CNGB3: variants seen among roughly 807,000 people sequenced by gnomAD.
The protein encoded by CNGB3 is cyclic nucleotide gated channel subunit beta 3, also known as cyclic nucleotide-gated channel beta-3.
In CNGB3, 86 loss-of-function variants were observed where a neutral mutation model predicts 92.8. The ratio of observed to expected loss-of-function variants is 0.93; its 90% CI spans 0.78 to 1.11. CNGB3 has a LOEUF of 1.11. Ranked by LOEUF, CNGB3 falls within the 50% of genes least tolerant of loss-of-function variation. CNGB3 has a pLI of 0.00. For missense variants in CNGB3, 1,026 were observed against 956.8 expected, an observed-to-expected ratio of 1.07 and a Z score of -0.95; for synonymous variants, 333 against 332.7, an observed-to-expected ratio of 1.00 and a Z score of -0.01.
rs569151074 is a variant in CNGB3 at position 86,666,000 on chromosome 8, C to T, written c.852+925G>A. Reference sequence around the variant, plus strand: ...GCTTGATTTCTCTACTACATGGAGGCACTTCACTTGGTTCCTACTACACAA... The same window carrying T: ...GCTTGATTTCTCTACTACATGGAGGTACTTCACTTGGTTCCTACTACACAA... On this transcript the variant is annotated intron_variant, in intron 6 of 17. Transcript: ENST00000320005. Among the ~76,000 whole-genome samples, 4 of 152,328 alleles carry T rather than the reference C, an allele frequency of 2.6e-5. No homozygotes were observed. In the South Asian group the frequency reaches 8.3e-4, roughly 32 times the overall value.
chr8:86,608,509 T>TCA (rs1241785480), intron 14 of CNGB3, among the ~76,000 whole-genome samples: 1 of 152,186 alleles, frequency 6.6e-6, no homozygotes, highest in Non-Finnish European at 1.5e-5. Context: ...CTCCTCCACC[T>TCA]CTTGTGGAGG....
chr8:86,644,456 T>C (rs1197731590), intron 9 of CNGB3, among the ~76,000 whole-genome samples, 166 bp downstream of exon 9: 1 of 151,362 alleles, frequency 6.6e-6, no homozygotes, highest in African/African-American at 2.4e-5. Flanking sequence ...TTATTTCACT[T>C]AAAATATCCA....
At chr8:86,583,411 T>C (rs1821830302) in intron 15 of CNGB3, among the ~76,000 whole-genome samples, 1 of 152,186 alleles carries the variant, frequency 6.6e-6, no homozygotes, top group South Asian at 2.1e-4. Flanking sequence ...AAAATGCATA[T>C]TGAAAACTTT....
intron 11 of CNGB3, among the ~76,000 whole-genome samples, chr8:86,632,424 T>C (rs1822981046): frequency 6.6e-6 from 1 of 152,140 alleles, no homozygotes; most frequent in South Asian, 2.1e-4. Flanking sequence ...CCAGTGATTT[T>C]ATAACAATAT....
chr8:86,662,187 G>A (rs1433389588), intron 6 of CNGB3, among the ~76,000 whole-genome samples: 1 of 152,218 alleles, frequency 6.6e-6, no homozygotes, highest in East Asian at 1.9e-4. Flanking sequence ...ACAATTCACA[G>A]AAACTTCATA....
intron 13 of CNGB3, among the ~76,000 whole-genome samples, chr8:86,621,219 T>G (rs923437474): frequency 2.6e-5 from 4 of 152,238 alleles, no homozygotes; most frequent in African/African-American, 9.6e-5. Context: ...TGTCACTTAT[T>G]CTCAATTAAG....
intron 8 of CNGB3, 30 bp downstream of exon 8, chr8:86,647,771 G>A: frequency 9.1e-7 from 1 of 1,102,708 alleles, no homozygotes; most frequent in Non-Finnish European, 1.4e-6. Context: ...CCATTATAAG[G>A]GAAAAGACAA....
intron 6 of CNGB3, chr8:86,659,086 G>A (rs556955080): frequency 2.6e-4 from 208 of 785,460 alleles, no homozygotes; most frequent in Middle Eastern, 6.9e-4. Flanking sequence ...AGGAGCAGGG[G>A]TTCAGCGATC....
chr8:86,576,311 A>G (rs1400186678), intron 17 of CNGB3, among the ~76,000 whole-genome samples, 181 bp from the exon 18 acceptor site: 2 of 151,940 alleles, frequency 1.3e-5, no homozygotes, highest in Non-Finnish European at 2.9e-5. Context: ...GGTGTGCTAG[A>G]GAATGGACTT....
At chr8:86,689,052 C>T (rs1824246811) in intron 3 of CNGB3, among the ~76,000 whole-genome samples, 1 of 151,236 alleles carries the variant, frequency 6.6e-6, no homozygotes. Context: ...ATGGGTCATT[C>T]AGGAGCATTT....
At chr8:86,715,340 G>T (rs1205113421) in intron 3 of CNGB3, among the ~76,000 whole-genome samples, 1 of 152,102 alleles carries the variant, frequency 6.6e-6, no homozygotes, top group Non-Finnish European at 1.5e-5. Flanking sequence ...ATCCATGGCT[G>T]AGAGACCTGA....
chr8:86,712,814 C>T (rs961767388), intron 3 of CNGB3, among the ~76,000 whole-genome samples: 3 of 146,980 alleles, frequency 2.0e-5, no homozygotes, highest in Non-Finnish European at 4.5e-5. Context: ...GGGCCTTGAA[C>T]TCCTCTGCTC....
intron 6 of CNGB3, chr8:86,661,302 G>A (rs1823635878): frequency 2.6e-6 from 1 of 379,812 alleles, no homozygotes; most frequent in Non-Finnish European, 5.3e-6. Flanking sequence ...GTCATGTACT[G>A]TCATTTACGA....
intron 3 of CNGB3, among the ~76,000 whole-genome samples, chr8:86,723,851 G>C (rs370301675): frequency 6.6e-6 from 1 of 152,180 alleles, no homozygotes; most frequent in Non-Finnish European, 1.5e-5. Context: ...ACATTAAAAA[G>C]TGTTCTGACA....
At chr8:86,671,226 C>T (rs902610815) in intron 3 of CNGB3, 128 bp from the exon 4 acceptor site, 1 of 1,006,664 alleles carries the variant, frequency 9.9e-7, no homozygotes, top group Admixed American at 1.8e-5. Flanking sequence ...AATTGAATAG[C>T]ACAATTCAAA....
At chr8:86,656,403 T>C (rs1156663147) in intron 6 of CNGB3, among the ~76,000 whole-genome samples, 1 of 152,246 alleles carries the variant, frequency 6.6e-6, no homozygotes, top group Non-Finnish European at 1.5e-5. Context: ...TAAAACTTGC[T>C]AGATTAAATG....
intron 15 of CNGB3, among the ~76,000 whole-genome samples, chr8:86,603,708 C>A (rs911535197): frequency 3.9e-5 from 6 of 152,164 alleles, no homozygotes; most frequent in Admixed American, 2.0e-4. Flanking sequence ...AATTTGGTCC[C>A]ACAGCTATGA....
intron 13 of CNGB3, among the ~76,000 whole-genome samples, chr8:86,624,358 G>A (rs904651533): frequency 1.3e-5 from 2 of 152,214 alleles, no homozygotes; most frequent in African/African-American, 2.4e-5. Flanking sequence ...GGCAGAGGTT[G>A]CAGTGGGCTG....
rs549577231 is a variant in CNGB3, at chr8:86,662,629, C to G, written c.852+4296G>C. Reference sequence around the variant, plus strand: ...GCTGGAGAAACTCCAACCAGCCTGCCCACTGAGGTGGAGCCTTGGAAAGTT... The same window carrying G: ...GCTGGAGAAACTCCAACCAGCCTGCGCACTGAGGTGGAGCCTTGGAAAGTT... On this transcript the variant is annotated intron_variant, in intron 6 of 17. Transcript: ENST00000320005. Among the ~76,000 whole-genome samples, 14 of 152,282 alleles carry G rather than the reference C, an allele frequency of 9.2e-5. No homozygotes were observed. In the East Asian group the frequency reaches 2.5e-3, roughly 27 times the overall value.
Sources: allele counts gnomAD v4.1 joint callset (sites outside exome capture counted in the v4.1 genomes callset), GRCh38; gene constraint gnomAD v4.1.1; transcripts MANE v1.5; gene names NCBI Gene and HGNC (gene_info 2026-07-23, HGNC 2026-07-21).